Variants in SLC36A4 observed in about 807,000 individuals in gnomAD.
The protein encoded by SLC36A4 is solute carrier family 36 member 4.
A neutral mutation model predicts 50.5 loss-of-function variants in SLC36A4; 49 were observed. The observed-to-expected ratio is 0.97, with a 90% CI of 0.77 to 1.23. The LOEUF (loss-of-function observed/expected upper bound fraction) is 1.23, where lower values mean the gene tolerates loss of function less well. SLC36A4 is among the 50% of genes most tolerant of loss of function. The pLI, the probability that SLC36A4 is intolerant of heterozygous loss-of-function variation, is 0.00. For synonymous variants in SLC36A4, 207 were observed against 206.5 expected, an observed-to-expected ratio of 1.00 and a Z score of -0.02; for missense variants, 611 against 608.4, an observed-to-expected ratio of 1.00 and a Z score of -0.05.
At chr11:93,185,561 C>G (rs1861944981) in intron 2 of SLC36A4, 130 bp downstream of exon 2, 6 of 804,246 alleles carry the variant, frequency 7.5e-6, no homozygotes, top group Admixed American at 7.0e-5. Context: ...AGACTATAAA[C>G]TCATTGAAGG....
intron 9 of SLC36A4, chr11:93,155,062 T>TA (rs1329487031): frequency 5.3e-5 from 8 of 152,102 alleles, no homozygotes; most frequent in Non-Finnish European, 1.2e-4. Flanking sequence ...GAAGACTTTT[T>TA]AAACGTTAAT....
At position 93,148,174 on chromosome 11, in the gene SLC36A4, A is replaced by C. The variant is rs1859918696; in HGVS notation, c.*363T>G. The C allele has an allele frequency of 5.7e-6, 1 of 175,816 alleles. No individual in the cohort carries two copies. Among genetic ancestry groups the C allele is most frequent in the Non-Finnish European group, 1.2e-5 (1 of 85,190 alleles). The allele number at this position is 175,816 out of a possible 1,614,324, so 10.9% of individuals were successfully genotyped here. A position where few individuals can be genotyped will look rare whatever the true frequency, so the allele number is the denominator to read the frequency against. On this transcript the variant is annotated 3_prime_UTR_variant, in exon 11 of 11. Coordinates refer to ENST00000326402, the MANE Select transcript of SLC36A4 (RefSeq NM_152313.4). ...CTTATTTTATTCTCTTATTGTTGAAATCCTATTCTGTTCTCAAGTGAGTGG... is the reference window on the plus strand; with the variant it reads ...CTTATTTTATTCTCTTATTGTTGAACTCCTATTCTGTTCTCAAGTGAGTGG...
chr11:93,172,854 A>G (rs1861241183), intron 6 of SLC36A4, among the ~76,000 whole-genome samples: 1 of 145,592 alleles, frequency 6.9e-6, no homozygotes, highest in Non-Finnish European at 1.5e-5. Flanking sequence ...ATTGTTGGAC[A>G]TTTGGGTTGG....
chr11:93,185,667 A>G (rs747461302), intron 2 of SLC36A4, 24 bp downstream of exon 2: 22 of 1,538,420 alleles, frequency 1.4e-5, no homozygotes, highest in Non-Finnish European at 1.7e-5. Flanking sequence ...AAAGAAAAGG[A>G]GACTTATAAA....
chr11:93,148,774 T>C lies in SLC36A4; in HGVS notation c.1278A>G (p.Thr426=), dbSNP rs747778120. 5 of 1,612,912 alleles carry C rather than the reference T, an allele frequency of 3.1e-6. No individual in the cohort carries two copies. Among genetic ancestry groups the C allele is most frequent in the African/African-American group, 2.7e-5 (2 of 74,866 alleles). Residue 426 remains threonine, a synonymous_variant, in exon 11 of 11, where the codon ACA becomes ACG. Transcript: ENST00000326402. ...CCAAAGGTGGCAGGATTAGGGCCAA[T>C]GTGCTGCTGCTCACAGCTCCAACGA... ...ISFVGAVSSS[T]LALILPPLVE...
chr11:93,167,586 C>CAT lies in SLC36A4; in HGVS notation c.768+356_768+357dup, dbSNP rs367930729. ...GAAGTGAAAGGAAATTATGGAATTGCATATATATATATTAATGAGTACCTG... is the reference window on the plus strand; with the variant it reads ...GAAGTGAAAGGAAATTATGGAATTGCATATATATATATATTAATGAGTACCTG... On this transcript the variant is annotated intron_variant, in intron 7 of 10. Transcript: ENST00000326402. The CAT allele has an allele frequency of 3.4e-4, 58 of 169,930 alleles. No individual in the cohort carries two copies. In the South Asian group the frequency reaches 3.9e-3, roughly 11 times the overall value. 10.5% of individuals were successfully genotyped at this position (169,930 alleles called of 1,614,324 possible).
At chr11:93,166,266 T>A in intron 7 of SLC36A4, 1 of 1,185,746 alleles carries the variant, frequency 8.4e-7, no homozygotes, top group Non-Finnish European at 1.0e-6. Context: ...CCTGATTACC[T>A]GCTTCCACCT....
intron 1 of SLC36A4, among the ~76,000 whole-genome samples, chr11:93,195,984 G>A (rs1296245327): frequency 3.9e-5 from 6 of 151,934 alleles, no homozygotes; most frequent in Admixed American, 3.9e-4. Flanking sequence ...TGTCTTTACT[G>A]CTTACTCTCT....
intron 6 of SLC36A4, among the ~76,000 whole-genome samples, chr11:93,175,148 ATTCAACT>A (rs1414304114): frequency 1.3e-5 from 2 of 151,388 alleles, no homozygotes; most frequent in African/African-American, 4.8e-5. Context: ...CTATTCAGAG[ATTCAACT>A]TCTTCCTGGT....
chr11:93,181,392 G>C (rs1861725504), intron 5 of SLC36A4, among the ~76,000 whole-genome samples: 1 of 151,858 alleles, frequency 6.6e-6, no homozygotes, highest in South Asian at 2.1e-4. Context: ...ATTTGACCAG[G>C]TCATGCTTTA....
At chr11:93,188,740 T>C (rs1401907747) in intron 1 of SLC36A4, among the ~76,000 whole-genome samples, 1 of 152,228 alleles carries the variant, frequency 6.6e-6, no homozygotes, top group Non-Finnish European at 1.5e-5. Context: ...TTTTCTGTTA[T>C]ACTCTATACA....
intron 2 of SLC36A4, 182 bp downstream of exon 2, chr11:93,185,509 C>T: frequency 2.1e-6 from 1 of 478,006 alleles, no homozygotes; most frequent in African/African-American, 2.0e-5. Context: ...CCAGTAATTC[C>T]TATACACTGC....
chr11:93,176,593 T>C (rs1343448935), intron 6 of SLC36A4, among the ~76,000 whole-genome samples: 1 of 152,110 alleles, frequency 6.6e-6, no homozygotes, highest in Admixed American at 6.6e-5. Flanking sequence ...GTACCGGTTG[T>C]TCCTTTCCAT....
At chr11:93,197,686 G>C in intron 1 of SLC36A4, 92 bp downstream of exon 1, 4 of 1,394,802 alleles carry the variant, frequency 2.9e-6, no homozygotes, top group East Asian at 2.6e-5. Flanking sequence ...CTCAGGCCAA[G>C]CGCGGGGCCC....
intron 6 of SLC36A4, among the ~76,000 whole-genome samples, chr11:93,174,509 C>T (rs1158040178): frequency 6.7e-6 from 1 of 149,250 alleles, no homozygotes; most frequent in Non-Finnish European, 1.5e-5. Flanking sequence ...TGAGAGAGGA[C>T]ATCCCTGTCT....
At chr11:93,197,546 G>A in intron 1 of SLC36A4, 1 of 545,712 alleles carries the variant, frequency 1.8e-6, no homozygotes, top group South Asian at 2.2e-5. Flanking sequence ...ACACGCGCGC[G>A]CGCAAACACA....
intron 6 of SLC36A4, among the ~76,000 whole-genome samples, chr11:93,175,464 T>C (rs1861416899): frequency 6.6e-6 from 1 of 151,276 alleles, no homozygotes; most frequent in African/African-American, 2.4e-5. Flanking sequence ...CTGCTGTGAT[T>C]TTAGTTATTT....
In SLC36A4 at chr11:93,185,797, G is replaced by A. The variant is rs1590982164; in HGVS notation, c.73C>T (p.Pro25Ser). The A allele has an allele frequency of 1.2e-6, 2 of 1,601,814 alleles. No individual in the cohort carries two copies. Among genetic ancestry groups the A allele is most frequent in the South Asian group, 1.1e-5 (1 of 88,756 alleles). ...TCAAAATTCTGCTCATTTATCAAGG[G>A]CCTCATTACATCCATATCTTTAAAA... ...REELDMDVMR[P>S]LINEQNFDGT... Residue 25 changes from proline (P) to serine (S), a missense_variant, in exon 2 of 11, where the codon CCC (proline) becomes TCC (serine). By Grantham distance (74) the Pro-to-Ser change is moderately conservative. Transcript: ENST00000326402.
chr11:93,173,259 C>T (rs377221877), intron 6 of SLC36A4, among the ~76,000 whole-genome samples: 106 of 149,068 alleles, frequency 7.1e-4, no homozygotes, highest in Non-Finnish European at 1.1e-3. Flanking sequence ...GAGAAGTGTC[C>T]GTTCATGTCC....
Sources: allele counts gnomAD v4.1 joint callset (sites outside exome capture counted in the v4.1 genomes callset), GRCh38; gene constraint gnomAD v4.1.1; transcripts MANE v1.5; gene names NCBI Gene and HGNC (gene_info 2026-07-23, HGNC 2026-07-21).